The following VOPP1 variants were observed in gnomAD, a reference collection of about 807,000 sequenced individuals.
The protein encoded by VOPP1 is VOPP1 WW domain binding protein.
A neutral mutation model predicts 23.5 loss-of-function variants in VOPP1; 8 were observed. The observed-to-expected ratio is 0.34, with a 90% CI of 0.20 to 0.61. The LOEUF (loss-of-function observed/expected upper bound fraction) is 0.61, where lower values mean the gene tolerates loss of function less well. Ranked by LOEUF, VOPP1 falls within the 20% of genes least tolerant of loss-of-function variation. The pLI, the probability that VOPP1 is intolerant of heterozygous loss-of-function variation, is 0.78. For synonymous variants in VOPP1, 83 were observed against 97.3 expected, an observed-to-expected ratio of 0.85 and a Z score of 0.86; for missense variants, 174 against 238.1, an observed-to-expected ratio of 0.73 and a Z score of 1.77.
intron 1 of VOPP1, among the ~76,000 whole-genome samples, chr7:55,546,735 C>T (rs1442146229): frequency 6.6e-6 from 1 of 152,218 alleles, no homozygotes; most frequent in Non-Finnish European, 1.5e-5. Context: ...GATACCACCA[C>T]GACCACCACC....
At chr7:55,531,940 C>A (rs1796520975) in intron 1 of VOPP1, among the ~76,000 whole-genome samples, 1 of 152,208 alleles carries the variant, frequency 6.6e-6, no homozygotes, top group Non-Finnish European at 1.5e-5. Context: ...AACTTCTTAC[C>A]TTTTGCAGAC....
chr7:55,468,701 T>C (rs1791698303), downstream of VOPP1, among the ~76,000 whole-genome samples: 1 of 152,202 alleles, frequency 6.6e-6, no homozygotes, highest in South Asian at 2.1e-4. Context: ...CAGGTAAGCA[T>C]GCATGGGACC....
At position 55,442,300 on chromosome 7, in the gene VOPP1, A is replaced by C. The variant is rs189870002; in HGVS notation, n.418-6126T>G. Among the ~76,000 whole-genome samples, 3 of 152,280 alleles carry C rather than the reference A, an allele frequency of 2.0e-5. No homozygotes were observed. The East Asian group carries it at 5.8e-4, about 29-fold the overall frequency. On this transcript the variant is annotated intron_variant and non_coding_transcript_variant, in intron 4 of 4. Transcript: ENST00000462326. ...AAAGTCAAGGATAAAAAATGGAACT[A>C]ATCTACATTCTCCGAAGGGTGGAGG...
At chr7:55,537,330 C>G (rs1454997667) in intron 1 of VOPP1, among the ~76,000 whole-genome samples, 13 of 152,206 alleles carry the variant, frequency 8.5e-5, no homozygotes, top group Admixed American at 8.5e-4. Context: ...GCACTCTGCC[C>G]CCACTGCTGG....
At chr7:55,558,286 T>A (rs376179376) in intron 1 of VOPP1, among the ~76,000 whole-genome samples, 2 of 152,154 alleles carry the variant, frequency 1.3e-5, no homozygotes, top group African/African-American at 2.4e-5. Flanking sequence ...GTGGAGGTGG[T>A]TTCATAGGTG....
intron 4 of VOPP1, among the ~76,000 whole-genome samples, chr7:55,479,496 G>T (rs113138604): frequency 6.6e-6 from 1 of 152,114 alleles, no homozygotes; most frequent in Non-Finnish European, 1.5e-5. Context: ...TCAACTCTTA[G>T]AAATATTTCT....
intron 4 of VOPP1, among the ~76,000 whole-genome samples, chr7:55,485,062 G>GT (rs917197223): frequency 1.6e-4 from 25 of 152,272 alleles, no homozygotes; most frequent in Admixed American, 5.2e-4. Flanking sequence ...CTTTTTGTTT[G>GT]TTTTTTTAGG....
intron 2 of VOPP1, among the ~76,000 whole-genome samples, chr7:55,510,020 G>C (rs1209920129): frequency 6.6e-6 from 1 of 152,178 alleles, no homozygotes; most frequent in Non-Finnish European, 1.5e-5. Flanking sequence ...AGACCAAAAT[G>C]AGGGTCAGGC....
At chr7:55,559,883 G>C (rs1035857776) in intron 1 of VOPP1, among the ~76,000 whole-genome samples, 1 of 152,216 alleles carries the variant, frequency 6.6e-6, no homozygotes, top group Non-Finnish European at 1.5e-5. Context: ...GCCAGGCGCA[G>C]TGTCTCATGC....
chr7:55,492,146 T>A, intron 4 of VOPP1, 136 bp downstream of exon 4: 1 of 1,244,924 alleles, frequency 8.0e-7, no homozygotes, highest in Non-Finnish European at 1.1e-6. Flanking sequence ...ATGGAGCTGG[T>A]CATCAGAACT....
In VOPP1 at chr7:55,498,324, G is replaced by A. The variant is rs371672579; in HGVS notation, c.114-634C>T. Among the ~76,000 whole-genome samples, 32 of 152,296 alleles carry A rather than the reference G, an allele frequency of 2.1e-4. No individual in the cohort carries two copies. In the East Asian group the frequency reaches 4.2e-3, roughly 20 times the overall value. On this transcript the variant is annotated intron_variant, in intron 2 of 4. Transcript: ENST00000285279. ...TGCTGATGGCACTATCACTGCTCAC[G>A]CTGCCTCCCTCCCCTCATCCCCCAA...
intron 1 of VOPP1, among the ~76,000 whole-genome samples, chr7:55,542,560 C>T (rs1473963377): frequency 2.0e-5 from 3 of 152,120 alleles, no homozygotes; most frequent in Non-Finnish European, 2.9e-5. Context: ...GAGGCCGAGG[C>T]GGGCAGATCA....
intron 1 of VOPP1, among the ~76,000 whole-genome samples, chr7:55,549,394 T>C (rs1042205975): frequency 6.6e-6 from 1 of 152,160 alleles, no homozygotes; most frequent in East Asian, 1.9e-4. Flanking sequence ...CATGGCTTAA[T>C]TTCTCCTAAG....
chr7:55,540,444 A>AATAAATAAAAAT (rs1278816931), intron 1 of VOPP1, among the ~76,000 whole-genome samples: 15 of 141,626 alleles, frequency 1.1e-4, no homozygotes, highest in African/African-American at 3.6e-4. Flanking sequence ...TAAATAAATA[A>AATAAATAAAAAT]AAATAAATGA....
intron 2 of VOPP1, among the ~76,000 whole-genome samples, chr7:55,506,470 G>T (rs995416176): frequency 2.0e-5 from 3 of 152,162 alleles, no homozygotes; most frequent in African/African-American, 7.2e-5. Context: ...CGAGAAGCTG[G>T]GATTACAGGT....
chr7:55,484,823 C>T (rs914232096), intron 4 of VOPP1, among the ~76,000 whole-genome samples: 1 of 152,208 alleles, frequency 6.6e-6, no homozygotes, highest in Non-Finnish European at 1.5e-5. Flanking sequence ...ACACCGACTT[C>T]TGGCCTCTAG....
intron 1 of VOPP1, among the ~76,000 whole-genome samples, chr7:55,558,565 C>A (rs1188707623): frequency 6.6e-6 from 1 of 152,112 alleles, no homozygotes; most frequent in Non-Finnish European, 1.5e-5. Flanking sequence ...CCCAGAGACA[C>A]CCTGCTAATG....
chr7:55,466,664 A>AT (rs1583822242), downstream of VOPP1, among the ~76,000 whole-genome samples: 4 of 152,126 alleles, frequency 2.6e-5, no homozygotes, highest in East Asian at 7.7e-4. Flanking sequence ...TTTTAATTTA[A>AT]TTTTTTAAAA....
At chr7:55,454,461 C>A (rs969323320) in intron 4 of VOPP1, among the ~76,000 whole-genome samples, 5 of 152,196 alleles carry the variant, frequency 3.3e-5, no homozygotes, top group African/African-American at 7.2e-5. Flanking sequence ...AAGCCAGCAT[C>A]ATCCTGATAC....
Sources: gnomAD v4.1 joint callset for allele counts (sites outside exome capture counted in the v4.1 genomes callset) on GRCh38, gnomAD v4.1.1 for gene constraint, MANE v1.5 for transcripts, NCBI Gene and HGNC (gene_info 2026-07-23, HGNC 2026-07-21) for gene names.